The following ACER2 variants were observed in gnomAD, a reference collection of about 807,000 sequenced individuals.
ACER2 encodes alkaline ceramidase 2.
In ACER2, 26 loss-of-function variants were observed where a neutral mutation model predicts 34.7. The ratio of observed to expected loss-of-function variants is 0.75; its 90% CI spans 0.55 to 1.04. ACER2 has a LOEUF of 1.04. Ranked by LOEUF, ACER2 falls within the 50% of genes least tolerant of loss-of-function variation. The probability of loss-of-function intolerance (pLI) is 0.00; values close to 1 mark genes in which losing one functional copy is unlikely to be tolerated. For missense variants in ACER2, 352 were observed against 340.8 expected (o/e 1.03, Z -0.26); for synonymous variants, 138 against 132.1 (o/e 1.04, Z -0.31).
At chr9:19,424,947 G>T in intron 3 of ACER2, 106 bp downstream of exon 3, 1 of 1,381,748 alleles carries the variant, frequency 7.2e-7, no homozygotes, top group Non-Finnish European at 9.9e-7. Flanking sequence ...GCCTAGTGAT[G>T]AGCTTATCAT....
At chr9:19,442,860 T>C (rs1004577803) in intron 4 of ACER2, among the ~76,000 whole-genome samples, 3 of 150,136 alleles carry the variant, frequency 2.0e-5, no homozygotes, top group African/African-American at 7.5e-5. Flanking sequence ...TGAGATGGGG[T>C]CTCGCTCTGT....
chr9:19,421,076 C>A (rs894688683), intron 1 of ACER2, among the ~76,000 whole-genome samples: 3 of 152,130 alleles, frequency 2.0e-5, no homozygotes. Context: ...TAAACCTGTA[C>A]AACCTGTTAC....
intron 5 of ACER2, chr9:19,446,640 G>T (rs978563407): frequency 1.0e-6 from 1 of 985,224 alleles, no homozygotes; most frequent in East Asian, 1.1e-4. Context: ...AGGCCTGATT[G>T]TCATGCTTAG....
At chr9:19,423,713 AG>A in intron 1 of ACER2, 148 bp from the exon 2 acceptor site, 1 of 622,224 alleles carries the variant, frequency 1.6e-6, no homozygotes, top group South Asian at 1.8e-5. Flanking sequence ...CATCTCAAAG[AG>A]AAAAGAAAAA....
At chr9:19,433,903 G>A (rs1483928978) in intron 3 of ACER2, among the ~76,000 whole-genome samples, 1 of 150,480 alleles carries the variant, frequency 6.6e-6, no homozygotes, top group Non-Finnish European at 1.5e-5. Flanking sequence ...GGCTGGCCGG[G>A]TAGGGGGCTG....
At chr9:19,424,660 T>C in intron 2 of ACER2, 40 bp from the exon 3 acceptor site, 1 of 1,611,278 alleles carries the variant, frequency 6.2e-7, no homozygotes, top group Non-Finnish European at 8.5e-7. Flanking sequence ...TTGTGTCTCT[T>C]CTGTGGTGAC....
At chr9:19,427,203 C>T (rs943144632) in intron 3 of ACER2, among the ~76,000 whole-genome samples, 2 of 152,182 alleles carry the variant, frequency 1.3e-5, no homozygotes, top group African/African-American at 4.8e-5. Context: ...TAATACTAAG[C>T]AACATGGAGA....
At chr9:19,448,204 A>G (rs945537173) in intron 5 of ACER2, among the ~76,000 whole-genome samples, 1 of 151,812 alleles carries the variant, frequency 6.6e-6, no homozygotes, top group Non-Finnish European at 1.5e-5. Context: ...GTAGAGATGG[A>G]TTTTTGCCAT....
intron 1 of ACER2, among the ~76,000 whole-genome samples, chr9:19,415,812 T>G (rs369376363): frequency 1.1e-4 from 16 of 152,204 alleles, no homozygotes; most frequent in South Asian, 6.2e-4. Context: ...TAAGTGGGAC[T>G]GTAAATTGGT....
At chr9:19,436,640 G>C (rs1291712660) in intron 4 of ACER2, among the ~76,000 whole-genome samples, 1 of 152,068 alleles carries the variant, frequency 6.6e-6, no homozygotes, top group Admixed American at 6.6e-5. Flanking sequence ...ATGTATTGTA[G>C]TCCTCCTTCT....
At chr9:19,426,358 TTC>T (rs59963606) in intron 3 of ACER2, among the ~76,000 whole-genome samples, 8,643 of 117,874 alleles carry the variant, frequency 0.073, 599 homozygotes, top group African/African-American at 0.18. Flanking sequence ...CTCCCTCTCT[TTC>T]TCTCTCTCTC....
At chr9:19,441,970 C>G (rs1369196317) in intron 4 of ACER2, among the ~76,000 whole-genome samples, 3 of 152,196 alleles carry the variant, frequency 2.0e-5, no homozygotes, top group Admixed American at 2.0e-4. Flanking sequence ...GAACTGTTTT[C>G]TCACTTTCTC....
intron 3 of ACER2, among the ~76,000 whole-genome samples, chr9:19,428,370 G>T (rs1830647128): frequency 6.6e-6 from 1 of 151,856 alleles, no homozygotes; most frequent in Admixed American, 6.6e-5. Context: ...GTTTTGCCAT[G>T]TTGGCCAGGC....
chr9:19,442,853 G>A (rs1213027563), intron 4 of ACER2, among the ~76,000 whole-genome samples: 3 of 146,914 alleles, frequency 2.0e-5, no homozygotes, highest in Non-Finnish European at 4.4e-5. Flanking sequence ...TTTTTTTTGA[G>A]ATGGGGTCTC....
intron 4 of ACER2, among the ~76,000 whole-genome samples, chr9:19,436,377 G>T (rs1830976075): frequency 6.6e-6 from 1 of 152,124 alleles, no homozygotes; most frequent in African/African-American, 2.4e-5. Context: ...AAGCAAAAAA[G>T]AAATCTGTCA....
intron 4 of ACER2, among the ~76,000 whole-genome samples, chr9:19,442,550 C>T (rs1208381923): frequency 6.6e-6 from 1 of 152,178 alleles, no homozygotes; most frequent in East Asian, 1.9e-4. Context: ...CCGGCCCTGT[C>T]CTGGCACTTA....
intron 1 of ACER2, among the ~76,000 whole-genome samples, chr9:19,410,192 G>A (rs4484792): frequency 6.6e-6 from 1 of 152,192 alleles, no homozygotes; most frequent in Non-Finnish European, 1.5e-5. Flanking sequence ...GCAGGAGTCA[G>A]GTGCTTACTG....
rs1186767229 is a variant in ACER2 at position 19,444,192 on chromosome 9, C to T, written c.504-2089C>T. Among the ~76,000 whole-genome samples, 7 of 142,432 alleles carry T rather than the reference C, an allele frequency of 4.9e-5. No homozygotes were observed. In the East Asian group the frequency reaches 1.4e-3, roughly 29 times the overall value. The allele number at this position is 142,432 out of a possible 152,430, so 93.4% of individuals were successfully genotyped here. A position where few individuals can be genotyped will look rare whatever the true frequency, so the allele number is the denominator to read the frequency against. On this transcript the variant is annotated intron_variant, in intron 4 of 5. Coordinates refer to ENST00000340967, the MANE Select transcript of ACER2 (RefSeq NM_001010887.3). The stretch of plus-strand genomic sequence containing the variant: ...AAGAAAAGAAAAAAAAAAAGAAAGT[C>T]GCAAAAAAAAAAAATCTCATAATGG...
At chr9:19,428,662 G>A (rs550723454) in intron 3 of ACER2, among the ~76,000 whole-genome samples, 2 of 151,490 alleles carry the variant, frequency 1.3e-5, no homozygotes, top group South Asian at 4.2e-4. Flanking sequence ...GTATCTTCCT[G>A]ATGGGATCAG....
Sources: allele counts gnomAD v4.1 joint callset (sites outside exome capture counted in the v4.1 genomes callset), GRCh38; gene constraint gnomAD v4.1.1; transcripts MANE v1.5; gene names NCBI Gene and HGNC (gene_info 2026-07-23, HGNC 2026-07-21).